Variants in KCNC2 observed in about 807,000 individuals in gnomAD.
The protein encoded by KCNC2 is voltage-gated potassium channel KCNC2.
Under a neutral mutation model 44.5 loss-of-function variants are expected in KCNC2, and 21 were observed. That is an observed-to-expected ratio of 0.47 (90% CI 0.33 to 0.68). KCNC2 has a LOEUF of 0.68. Ranked by LOEUF, KCNC2 falls within the 30% of genes least tolerant of loss-of-function variation. KCNC2 has a pLI of 0.01. For missense variants in KCNC2, 589 were observed against 826.2 expected, an observed-to-expected ratio of 0.71 and a Z score of 3.52; for synonymous variants, 391 against 339.1, an observed-to-expected ratio of 1.15 and a Z score of -1.68.
At position 75,091,788 on chromosome 12, in the gene KCNC2, A is replaced by G. The variant is rs144140342; in HGVS notation, c.688-40471T>C. 4.2e-4 allele frequency among the ~76,000 whole-genome samples: 63 copies of G among 151,770 alleles called. No homozygotes were observed. In the East Asian group the frequency reaches 0.012, roughly 28 times the overall value. On this transcript the variant is annotated intron_variant, in intron 2 of 4. Coordinates refer to ENST00000549446, the MANE Select transcript of KCNC2 (RefSeq NM_139137.4). The stretch of plus-strand genomic sequence containing the variant: ...ATGTTAAAAAAAAATCTATGTAGAC[A>G]ATAGAATACTATAAGGATTGCAGGC...
rs1486334318 is a variant in KCNC2, at chr12:75,198,175, T to C, written c.687+9122A>G. ...TTAGTTTGCTTAAATTCTATATTTC[T>C]AGCATTGCATTCTAAGTATCAAATT... On this transcript the variant is annotated intron_variant, in intron 2 of 4. Transcript: ENST00000549446. Among the ~76,000 whole-genome samples, 7 of 152,018 alleles carry C rather than the reference T, an allele frequency of 4.6e-5. 1 individual carries two copies. The highest frequency in any genetic ancestry group is 3.3e-4 in the Admixed American group (5 of 15,230).
rs10459285 is a variant in KCNC2, at chr12:75,165,124, A to G, written c.687+42173T>C. On this transcript the variant is annotated intron_variant, in intron 2 of 4. Coordinates refer to ENST00000549446, the MANE Select transcript of KCNC2 (RefSeq NM_139137.4). ...TACCTATCCATGAAAAATTCTAAGGAGAACTGATAGAGGCAATTTTTATTT... is the reference window on the plus strand; with the variant it reads ...TACCTATCCATGAAAAATTCTAAGGGGAACTGATAGAGGCAATTTTTATTT... 0.013 allele frequency among the ~76,000 whole-genome samples: 1,932 copies of G among 151,774 alleles called. 167 individuals carry two copies. The East Asian group carries it at 0.22, about 18-fold the overall frequency.
In KCNC2 at chr12:75,164,255, G is replaced by A. The variant is rs78435198; in HGVS notation, c.687+43042C>T. On this transcript the variant is annotated intron_variant, in intron 2 of 4. Coordinates refer to ENST00000549446, the MANE Select transcript of KCNC2 (RefSeq NM_139137.4). ...AATGCCGTTCTCAAGTGTATGTGTC[G>A]GCTTTGCCCATGTTCACTCTGCCAG... Among the ~76,000 whole-genome samples, 1,475 of 151,528 alleles carry A rather than the reference G, an allele frequency of 9.7e-3. 22 individuals are homozygous for A. The highest frequency in any genetic ancestry group is 0.033 in the African/African-American group (1,364 of 41,394).
At chr12:75,096,985 A>G (rs1375908931) in intron 2 of KCNC2, among the ~76,000 whole-genome samples, 1 of 152,120 alleles carries the variant, frequency 6.6e-6, no homozygotes, top group Non-Finnish European at 1.5e-5. Flanking sequence ...AATTGCCAAA[A>G]CTTGGATGCC....
chr12:75,052,421 A>T (rs182550080), intron 2 of KCNC2, among the ~76,000 whole-genome samples: 2 of 152,264 alleles, frequency 1.3e-5, no homozygotes, highest in East Asian at 3.9e-4. Flanking sequence ...AATATTAAAG[A>T]TCTGAAAACT....
chr12:75,056,855 C>T (rs1360114404), intron 2 of KCNC2, among the ~76,000 whole-genome samples: 1 of 151,950 alleles, frequency 6.6e-6, no homozygotes, highest in African/African-American at 2.4e-5. Flanking sequence ...AAGTTAAAAA[C>T]AAATGACTGC....
intron 2 of KCNC2, among the ~76,000 whole-genome samples, chr12:75,107,378 T>C (rs981023531): frequency 1.3e-5 from 2 of 152,226 alleles, no homozygotes; most frequent in African/African-American, 4.8e-5. Flanking sequence ...AGAGTAGGCA[T>C]AATTGCTAAT....
intron 2 of KCNC2, among the ~76,000 whole-genome samples, chr12:75,052,129 T>G (rs1261144330): frequency 6.6e-6 from 1 of 152,056 alleles, no homozygotes; most frequent in Non-Finnish European, 1.5e-5. Flanking sequence ...AAAGCACTCA[T>G]ATAGTTCTTA....
chr12:75,197,676 A>G, intron 2 of KCNC2, among the ~76,000 whole-genome samples: 1 of 152,056 alleles, frequency 6.6e-6, no homozygotes, highest in East Asian at 1.9e-4. Flanking sequence ...ATTCAAAAGC[A>G]TTAGAAACTC....
intron 2 of KCNC2, among the ~76,000 whole-genome samples, chr12:75,106,385 C>T (rs927064696): frequency 6.6e-6 from 1 of 152,052 alleles, no homozygotes; most frequent in South Asian, 2.1e-4. Context: ...GAATTAACCA[C>T]CATATGATTC....
At chr12:75,192,521 T>C (rs1463461569) in intron 2 of KCNC2, among the ~76,000 whole-genome samples, 2 of 152,196 alleles carry the variant, frequency 1.3e-5, no homozygotes, top group African/African-American at 4.8e-5. Context: ...GTATTCTCAG[T>C]GGGTAGATAA....
intron 2 of KCNC2, among the ~76,000 whole-genome samples, chr12:75,123,263 C>T (rs74763173): frequency 0.015 from 2,221 of 152,166 alleles, 45 homozygotes; most frequent in African/African-American, 0.05. Context: ...AAAGACTCAG[C>T]TAGTTTAATT....
chr12:75,164,495 T>G (rs1162116333), intron 2 of KCNC2, among the ~76,000 whole-genome samples: 1 of 151,718 alleles, frequency 6.6e-6, no homozygotes, highest in Admixed American at 6.6e-5. Flanking sequence ...ATATTTCTGA[T>G]ACTTTGCCAG....
rs1056924541 is a variant in KCNC2 at position 75,191,614 on chromosome 12, A to C, written c.687+15683T>G. On this transcript the variant is annotated intron_variant, in intron 2 of 4. Coordinates refer to ENST00000549446, the MANE Select transcript of KCNC2 (RefSeq NM_139137.4). ...GCTGGACTGCGGACTGCAGTGGCGC[A>C]ATCTCGGCTCACTGCAAGCTCCGCT... Among the ~76,000 whole-genome samples, 4 of 131,398 alleles carry C rather than the reference A, an allele frequency of 3.0e-5. No individual in the cohort carries two copies. In the East Asian group the frequency reaches 7.2e-4, roughly 24 times the overall value. The allele number at this position is 131,398 out of a possible 152,430, so 86.2% of individuals were successfully genotyped here.
chr12:75,172,386 CCT>C (rs1891888778), intron 2 of KCNC2, among the ~76,000 whole-genome samples: 8 of 151,786 alleles, frequency 5.3e-5, no homozygotes, highest in Middle Eastern at 3.4e-3. Flanking sequence ...GGCCTTAAAA[CCT>C]AGGTGATGGA....
chr12:75,209,647 T>C lies in KCNC2; in HGVS notation c.-460A>G, dbSNP rs2031986321. 6.6e-6 allele frequency: 1 copy of C among 152,488 alleles called. No homozygotes were observed. 9.4% of individuals were successfully genotyped at this position (152,488 alleles called of 1,614,324 possible). A position where few individuals can be genotyped will look rare whatever the true frequency, so the allele number is the denominator to read the frequency against. Reference sequence around the variant, plus strand: ...GCCCTGCTCGGATTCCATCTGCAGATTTTGTTTCTCCCCCAAATCAGCCAC... The same window carrying C: ...GCCCTGCTCGGATTCCATCTGCAGACTTTGTTTCTCCCCCAAATCAGCCAC... On this transcript the variant is annotated 5_prime_UTR_variant, in exon 1 of 5. Transcript: ENST00000549446.
intron 1 of KCNC2, 62 bp from the exon 2 acceptor site, chr12:75,208,064 C>A (rs1410034403): frequency 3.2e-6 from 5 of 1,580,536 alleles, no homozygotes; most frequent in Middle Eastern, 1.7e-4. Flanking sequence ...ACACCATGAC[C>A]CCCACCACCA....
intron 2 of KCNC2, among the ~76,000 whole-genome samples, chr12:75,204,476 G>T (rs1403927963): frequency 6.6e-6 from 1 of 151,892 alleles, no homozygotes; most frequent in Non-Finnish European, 1.5e-5. Context: ...TGTGAAACAG[G>T]TATAATGAGT....
At chr12:75,160,321 T>C (rs1891039563) in intron 2 of KCNC2, among the ~76,000 whole-genome samples, 1 of 151,776 alleles carries the variant, frequency 6.6e-6, no homozygotes, top group African/African-American at 2.4e-5. Context: ...GGACTTCTAG[T>C]CTCCAGACCT....
Sources: allele counts gnomAD v4.1 joint callset (sites outside exome capture counted in the v4.1 genomes callset), GRCh38; gene constraint gnomAD v4.1.1; transcripts MANE v1.5; gene names NCBI Gene and HGNC (gene_info 2026-07-23, HGNC 2026-07-21).